The following CLVS1 variants were observed in gnomAD, a reference collection of about 807,000 sequenced individuals.
CLVS1 encodes clavesin-1.
A neutral mutation model predicts 33.1 loss-of-function variants in CLVS1; 10 were observed. The ratio of observed to expected loss-of-function variants is 0.30; its 90% CI spans 0.19 to 0.51. The LOEUF (loss-of-function observed/expected upper bound fraction) is 0.51, where lower values mean the gene tolerates loss of function less well. Among genes scored for constraint, CLVS1 ranks in the 20% least tolerant of loss-of-function variants. The pLI is 0.97. For synonymous variants in CLVS1, 163 were observed against 166.1 expected (o/e 0.98, Z 0.14); for missense variants, 343 against 433.4 (o/e 0.79, Z 1.85).
At chr8:61,437,948 G>A (rs1315685404) in intron 3 of CLVS1, among the ~76,000 whole-genome samples, 2 of 152,196 alleles carry the variant, frequency 1.3e-5, no homozygotes, top group African/African-American at 4.8e-5. Flanking sequence ...TGAACTGTAA[G>A]ATCTGACAGG....
intron 1 of CLVS1, among the ~76,000 whole-genome samples, chr8:61,298,254 G>T (rs1810292408): frequency 6.6e-6 from 1 of 152,108 alleles, no homozygotes; most frequent in South Asian, 2.1e-4. Context: ...ATTCTGGGAA[G>T]AGTTTGTAAT....
At chr8:61,220,700 G>A (rs1169643800) in intron 2 of CLVS1, among the ~76,000 whole-genome samples, 1 of 151,910 alleles carries the variant, frequency 6.6e-6, no homozygotes, top group Non-Finnish European at 1.5e-5. Context: ...TGTGAAGAAT[G>A]TCAGTGGTAG....
At chr8:61,379,990 A>G (rs147565516) in intron 3 of CLVS1, among the ~76,000 whole-genome samples, 4 of 152,192 alleles carry the variant, frequency 2.6e-5, no homozygotes, top group African/African-American at 9.7e-5. Flanking sequence ...CAGCCCTCTC[A>G]GTGGCTGGGC....
intron 2 of CLVS1, among the ~76,000 whole-genome samples, chr8:61,209,285 A>C (rs1380704659): frequency 6.6e-6 from 1 of 152,170 alleles, no homozygotes; most frequent in Non-Finnish European, 1.5e-5. Flanking sequence ...CTTGGTTTGG[A>C]GGCTGCAGTG....
intron 5 of CLVS1, among the ~76,000 whole-genome samples, chr8:61,498,741 ATCAACAACT>A (rs1804372916): frequency 6.6e-6 from 1 of 152,206 alleles, no homozygotes; most frequent in Non-Finnish European, 1.5e-5. Context: ...AGTCGTCTTT[ATCAACAACT>A]GTGGGAAGTA....
At chr8:61,015,812 G>A in the CLVS1 span, among the ~76,000 whole-genome samples, 1 of 152,146 alleles carries the variant, frequency 6.6e-6, no homozygotes, top group Admixed American at 6.5e-5. Flanking sequence ...AGAAAAATGT[G>A]ATGGCTTCCA....
chr8:61,046,556 T>C, the CLVS1 span, among the ~76,000 whole-genome samples: 2 of 147,634 alleles, frequency 1.4e-5, no homozygotes, highest in African/African-American at 5.2e-5. Context: ...GGGGATGTCA[T>C]TGAATCTATA....
chr8:61,399,704 T>G, intron 3 of CLVS1, among the ~76,000 whole-genome samples: 1 of 152,228 alleles, frequency 6.6e-6, no homozygotes, highest in East Asian at 1.9e-4. Context: ...CTTGAGTTGA[T>G]TTTTGTATAT....
At chr8:61,038,437 G>GTGTATATATATATA in the CLVS1 span, among the ~76,000 whole-genome samples, 1 of 142,720 alleles carries the variant, frequency 7.0e-6, no homozygotes, top group African/African-American at 2.6e-5. Flanking sequence ...CCTGTCGTTT[G>GTGTATATATATATA]TATATATATA....
intron 3 of CLVS1, among the ~76,000 whole-genome samples, chr8:61,453,222 C>T (rs751409110): frequency 1.1e-4 from 16 of 151,742 alleles, no homozygotes; most frequent in Non-Finnish European, 1.8e-4. Flanking sequence ...TGAGATGAAC[C>T]CAATCTGCTG....
intron 2 of CLVS1, among the ~76,000 whole-genome samples, chr8:61,157,826 A>T (rs1325993971): frequency 6.6e-6 from 1 of 152,224 alleles, no homozygotes; most frequent in Non-Finnish European, 1.5e-5. Flanking sequence ...AATTAAAGCC[A>T]TAATGAGATG....
intron 1 of CLVS1, among the ~76,000 whole-genome samples, chr8:61,092,869 A>G (rs987128258): frequency 2.6e-5 from 4 of 152,308 alleles, no homozygotes; most frequent in Admixed American, 2.0e-4. Context: ...ACATATTGGG[A>G]GGCCATTATT....
At chr8:61,077,533 T>A (rs1028047996) in intron 1 of CLVS1, among the ~76,000 whole-genome samples, 23 of 150,718 alleles carry the variant, frequency 1.5e-4, no homozygotes, top group Non-Finnish European at 3.0e-5. Flanking sequence ...TGGAGCGCAG[T>A]GGCGCGATCT....
At chr8:61,215,682 A>G (rs888043682) in intron 2 of CLVS1, among the ~76,000 whole-genome samples, 6 of 143,730 alleles carry the variant, frequency 4.2e-5, no homozygotes, top group Non-Finnish European at 3.1e-5. Context: ...GAAATTGAAA[A>G]TGTGTGTGTG....
At chr8:61,317,159 C>T (rs111286782) in intron 2 of CLVS1, among the ~76,000 whole-genome samples, 1 of 152,210 alleles carries the variant, frequency 6.6e-6, no homozygotes, top group African/African-American at 2.4e-5. Flanking sequence ...AGTTCTGGAG[C>T]CTGGGAAGCC....
intron 2 of CLVS1, among the ~76,000 whole-genome samples, chr8:61,152,711 T>C (rs568596281): frequency 2.6e-4 from 39 of 152,288 alleles, no homozygotes; most frequent in African/African-American, 9.1e-4. Context: ...TACTGTTGCA[T>C]TGGGGATTAC....
At chr8:61,143,804 CAT>C (rs1308481646) in intron 2 of CLVS1, among the ~76,000 whole-genome samples, 18 of 146,670 alleles carry the variant, frequency 1.2e-4, no homozygotes, top group East Asian at 2.0e-4. Context: ...ATAATATTCT[CAT>C]ATTTAAATTC....
intron 2 of CLVS1, among the ~76,000 whole-genome samples, chr8:61,241,032 A>G (rs553884430): frequency 6.6e-6 from 1 of 152,118 alleles, no homozygotes; most frequent in Non-Finnish European, 1.5e-5. Context: ...AGATCAAGAC[A>G]CTGGCAGATT....
chr8:61,276,163 C>CTGATTGAAGG (rs1245473742), intron 2 of CLVS1, among the ~76,000 whole-genome samples: 4 of 152,178 alleles, frequency 2.6e-5, no homozygotes, highest in Admixed American at 6.5e-5. Flanking sequence ...GGAAGGTGCC[C>CTGATTGAAGG]ACAAAATGAA....
Sources: allele counts gnomAD v4.1 joint callset (sites outside exome capture counted in the v4.1 genomes callset), GRCh38; gene constraint gnomAD v4.1.1; transcripts MANE v1.5; gene names NCBI Gene and HGNC (gene_info 2026-07-23, HGNC 2026-07-21).